SOBP: variants seen among roughly 807,000 people sequenced by gnomAD.
SOBP encodes sine oculis binding protein homolog.
A neutral mutation model predicts 53.6 loss-of-function variants in SOBP; 4 were observed. The ratio of observed to expected loss-of-function variants is 0.07; its 90% CI spans 0.04 to 0.17. The LOEUF is 0.17. SOBP is among the 10% of genes least tolerant of loss of function. The probability of loss-of-function intolerance (pLI) is 1.00; values close to 1 mark genes in which losing one functional copy is unlikely to be tolerated. For synonymous variants in SOBP, 584 were observed against 522.6 expected (o/e 1.12, Z -1.60); for missense variants, 1,088 against 1,204.7 (o/e 0.90, Z 1.43).
chr6:107,509,074 T>TGTG (rs2114953890), intron 3 of SOBP, among the ~76,000 whole-genome samples: 1 of 152,306 alleles, frequency 6.6e-6, no homozygotes, highest in Non-Finnish European at 1.5e-5. Flanking sequence ...CCCTACCTCA[T>TGTG]GTGGTTGTTG....
At position 107,616,781 on chromosome 6, in the gene SOBP, G is replaced by A. The variant is rs992903281; in HGVS notation, c.670-16733G>A. Among the ~76,000 whole-genome samples, 11 of 152,286 alleles carry A rather than the reference G, an allele frequency of 7.2e-5. No homozygotes were observed. The South Asian group carries it at 1.9e-3, about 26-fold the overall frequency. ...TGGGGGCTGTAATCTCCGAAGCAGC[G>A]GACACTCACAGCGACGGTTGGCCCA... On this transcript the variant is annotated intron_variant, in intron 5 of 6. Coordinates refer to ENST00000317357, the MANE Select transcript of SOBP (RefSeq NM_018013.4).
intron 5 of SOBP, among the ~76,000 whole-genome samples, chr6:107,632,828 T>C (rs981539644): frequency 6.6e-6 from 1 of 152,204 alleles, no homozygotes; most frequent in African/African-American, 2.4e-5. Context: ...TAAATAAGAC[T>C]GCCTGCCAAG....
chr6:107,605,472 C>T (rs1289624691), intron 5 of SOBP, among the ~76,000 whole-genome samples: 1 of 152,218 alleles, frequency 6.6e-6, no homozygotes, highest in African/African-American at 2.4e-5. Context: ...ACATTTCTTT[C>T]CAGTGGTCTG....
chr6:107,590,593 G>A (rs571153143), intron 5 of SOBP, among the ~76,000 whole-genome samples: 1 of 152,318 alleles, frequency 6.6e-6, no homozygotes, highest in Non-Finnish European at 1.5e-5. Flanking sequence ...GGCTGTTAGG[G>A]GTGAGGGTTT....
chr6:107,624,613 T>C (rs1240535409), intron 5 of SOBP, among the ~76,000 whole-genome samples: 2 of 152,152 alleles, frequency 1.3e-5, no homozygotes, highest in African/African-American at 4.8e-5. Flanking sequence ...TCAATTATAT[T>C]GCATAGAGAC....
intron 6 of SOBP, among the ~76,000 whole-genome samples, chr6:107,638,216 T>G (rs1023089090): frequency 1.4e-4 from 22 of 151,772 alleles, no homozygotes; most frequent in Admixed American, 1.2e-3. Context: ...TATTTAGTTA[T>G]TTATTATTTT....
intron 5 of SOBP, among the ~76,000 whole-genome samples, chr6:107,604,909 A>T (rs1046684826): frequency 6.6e-6 from 1 of 152,260 alleles, no homozygotes; most frequent in East Asian, 1.9e-4. Flanking sequence ...TTTATGTCAC[A>T]GCACTGTGAA....
At chr6:107,516,086 ATCAAC>A (rs762314764) in intron 3 of SOBP, among the ~76,000 whole-genome samples, 2 of 152,200 alleles carry the variant, frequency 1.3e-5, no homozygotes, top group Non-Finnish European at 2.9e-5. Context: ...TCCAAAGGTT[ATCAAC>A]AGAACACTCC....
chr6:107,490,513 G>C lies in SOBP; in HGVS notation c.-104G>C. The C allele has an allele frequency of 1.2e-6, 1 of 802,782 alleles. No homozygotes were observed. Among genetic ancestry groups the C allele is most frequent in the Non-Finnish European group, 2.1e-6 (1 of 478,342 alleles). 49.7% of individuals were successfully genotyped at this position (802,782 alleles called of 1,614,324 possible). On this transcript the variant is annotated 5_prime_UTR_variant, in exon 1 of 7. Coordinates refer to ENST00000317357, the MANE Select transcript of SOBP (RefSeq NM_018013.4). ...CCCGCCAGCACCGCTACCTCCGCCA[G>C]CCTCGCCACCATCAGCACCACCTCC...
At chr6:107,549,965 T>C (rs764596645) in intron 4 of SOBP, among the ~76,000 whole-genome samples, 1 of 152,158 alleles carries the variant, frequency 6.6e-6, no homozygotes, top group Non-Finnish European at 1.5e-5. Flanking sequence ...CATGGAGAGA[T>C]GGGCCTTACT....
In SOBP at chr6:107,503,829, A is replaced by G. The variant is rs758492235; in HGVS notation, c.235+34A>G. Reference sequence around the variant, plus strand: ...ATTTAATGTCCTTTTGTTCATGCAAAGAAGGATTAACTATCTCAACCTGCC... The same window carrying G: ...ATTTAATGTCCTTTTGTTCATGCAAGGAAGGATTAACTATCTCAACCTGCC... On this transcript the variant is annotated intron_variant, in intron 2 of 6. Coordinates refer to ENST00000317357, the MANE Select transcript of SOBP (RefSeq NM_018013.4). The G allele has an allele frequency of 2.5e-6, 4 of 1,611,870 alleles. No individual in the cohort carries two copies. In the East Asian group the frequency reaches 6.7e-5, roughly 27 times the overall value.
At chr6:107,623,800 G>A (rs184895213) in intron 5 of SOBP, among the ~76,000 whole-genome samples, 82 of 152,250 alleles carry the variant, frequency 5.4e-4, no homozygotes, top group East Asian at 2.5e-3. Flanking sequence ...AAAAGGTTTC[G>A]GTTGACCAGA....
chr6:107,575,526 A>C (rs1785199619), intron 4 of SOBP, among the ~76,000 whole-genome samples: 1 of 152,106 alleles, frequency 6.6e-6, no homozygotes, highest in African/African-American at 2.4e-5. Flanking sequence ...ACAGCTTGGA[A>C]ATGTTGGTAG....
At chr6:107,589,608 T>G (rs1328358521) in intron 5 of SOBP, among the ~76,000 whole-genome samples, 1 of 152,228 alleles carries the variant, frequency 6.6e-6, no homozygotes, top group African/African-American at 2.4e-5. Context: ...AATCCCAAAC[T>G]GTGATATGTG....
At chr6:107,590,633 TG>T (rs767239926) in intron 5 of SOBP, among the ~76,000 whole-genome samples, 40 of 152,290 alleles carry the variant, frequency 2.6e-4, no homozygotes, top group South Asian at 1.4e-3. Context: ...AGCTCACAGC[TG>T]GAAGGTGAAA....
chr6:107,565,305 G>C (rs146664049), intron 4 of SOBP, among the ~76,000 whole-genome samples: 1 of 152,274 alleles, frequency 6.6e-6, no homozygotes, highest in East Asian at 1.9e-4. Context: ...GAGTTCTTCT[G>C]TCTCCATCTG....
intron 5 of SOBP, among the ~76,000 whole-genome samples, chr6:107,617,834 T>C (rs1276374580): frequency 3.4e-5 from 5 of 146,854 alleles, no homozygotes; most frequent in Non-Finnish European, 7.5e-5. Flanking sequence ...TTTTTTTTTT[T>C]TTTTTTTTTT....
chr6:107,657,774 C>T (rs1315163196), intron 6 of SOBP, among the ~76,000 whole-genome samples: 1 of 150,666 alleles, frequency 6.6e-6, no homozygotes, highest in Non-Finnish European at 1.5e-5. Flanking sequence ...AACTGGGAGG[C>T]AGAGATTGCA....
chr6:107,521,817 G>A (rs1001384664), intron 3 of SOBP, among the ~76,000 whole-genome samples: 14 of 151,738 alleles, frequency 9.2e-5, no homozygotes, highest in African/African-American at 3.4e-4. Context: ...CTTGTGCTGA[G>A]GTCCCAGGTC....
Sources: gnomAD v4.1 joint callset for allele counts (sites outside exome capture counted in the v4.1 genomes callset) on GRCh38, gnomAD v4.1.1 for gene constraint, MANE v1.5 for transcripts, NCBI Gene and HGNC (gene_info 2026-07-23, HGNC 2026-07-21) for gene names.